The following BABAM2 variants were observed in gnomAD, a reference collection of about 807,000 sequenced individuals.
BABAM2 encodes BRISC and BRCA1 A complex member 2.
Under a neutral mutation model 54.7 loss-of-function variants are expected in BABAM2, and 31 were observed. That is an observed-to-expected ratio of 0.57 (90% CI 0.43 to 0.77). The LOEUF (loss-of-function observed/expected upper bound fraction) is 0.77. BABAM2 is among the 30% of genes least tolerant of loss of function. The probability of loss-of-function intolerance (pLI) is 0.00; values close to 1 mark genes in which losing one functional copy is unlikely to be tolerated. For synonymous variants in BABAM2, 167 were observed against 162.9 expected (o/e 1.03, Z -0.19); for missense variants, 364 against 455.8 (o/e 0.80, Z 1.83).
chr2:27,970,701 T>C (rs1454736388), intron 3 of BABAM2, among the ~76,000 whole-genome samples: 1 of 152,166 alleles, frequency 6.6e-6, no homozygotes, highest in East Asian at 1.9e-4. Flanking sequence ...TCCATTAATA[T>C]CCTTTTAGCT....
At chr2:28,211,809 T>C (rs1279352535) in intron 7 of BABAM2, among the ~76,000 whole-genome samples, 2 of 152,192 alleles carry the variant, frequency 1.3e-5, no homozygotes, top group Non-Finnish European at 2.9e-5. Context: ...TAAAAAAATA[T>C]AGAAAAATTT....
chr2:27,986,053 A>G (rs28662360), intron 3 of BABAM2, among the ~76,000 whole-genome samples: 97,491 of 151,856 alleles, frequency 0.64, 33,337 homozygotes, highest in Middle Eastern at 0.8. Flanking sequence ...GAGATATAGT[A>G]TTTGATGTCA....
chr2:28,239,811 G>GT (rs1430941940), intron 8 of BABAM2, among the ~76,000 whole-genome samples: 2 of 152,188 alleles, frequency 1.3e-5, no homozygotes, highest in Admixed American at 1.3e-4. Flanking sequence ...AAACCATTAG[G>GT]TGAAAGGTTG....
chr2:28,152,610 A>T (rs939136807), intron 7 of BABAM2, among the ~76,000 whole-genome samples: 4 of 152,170 alleles, frequency 2.6e-5, no homozygotes, highest in African/African-American at 9.6e-5. Context: ...AGAGCTCAGG[A>T]TGAATGACAC....
intron 7 of BABAM2, among the ~76,000 whole-genome samples, chr2:28,204,404 T>A (rs1678605620): frequency 6.6e-6 from 1 of 152,212 alleles, no homozygotes; most frequent in Non-Finnish European, 1.5e-5. Flanking sequence ...ACAAGCATTG[T>A]TGCAGAGTGA....
chr2:28,119,272 AAACTCCAC>A (rs1668862499), intron 6 of BABAM2, among the ~76,000 whole-genome samples: 1 of 152,180 alleles, frequency 6.6e-6, no homozygotes, highest in Non-Finnish European at 1.5e-5. Flanking sequence ...GCAGTAGGGG[AAACTCCAC>A]ACTCCAGATT....
intron 7 of BABAM2, chr2:28,134,667 C>T (rs1670386217): frequency 6.6e-6 from 1 of 152,234 alleles, no homozygotes; most frequent in Non-Finnish European, 1.5e-5. Context: ...GTACTCAAAA[C>T]TTCCCAGCCC....
chr2:27,979,925 G>A (rs1354884332), intron 3 of BABAM2, among the ~76,000 whole-genome samples: 1 of 152,154 alleles, frequency 6.6e-6, no homozygotes, highest in East Asian at 1.9e-4. Flanking sequence ...CTGAGATGGT[G>A]CTGATACCTT....
chr2:28,335,890 C>T (rs944439870), intron 11 of BABAM2, among the ~76,000 whole-genome samples: 2 of 152,148 alleles, frequency 1.3e-5, no homozygotes, highest in African/African-American at 2.4e-5. Flanking sequence ...GTGACATCCC[C>T]GGGTTGCTGT....
chr2:28,197,225 A>T (rs1238694631), intron 7 of BABAM2, among the ~76,000 whole-genome samples: 1 of 152,054 alleles, frequency 6.6e-6, no homozygotes, highest in East Asian at 1.9e-4. Flanking sequence ...GTATAGAAAG[A>T]CTTTCTTTTG....
chr2:28,101,529 T>G (rs1435047071), intron 6 of BABAM2, among the ~76,000 whole-genome samples: 1 of 152,172 alleles, frequency 6.6e-6, no homozygotes, highest in African/African-American at 2.4e-5. Context: ...GAGTGAGGGC[T>G]GAGATAGAGT....
chr2:28,022,332 G>A (rs562075078), intron 4 of BABAM2, among the ~76,000 whole-genome samples: 1 of 152,334 alleles, frequency 6.6e-6, no homozygotes, highest in Non-Finnish European at 1.5e-5. Context: ...ATTGGAGGAA[G>A]AGTAGGCAGA....
intron 11 of BABAM2, among the ~76,000 whole-genome samples, chr2:28,318,745 C>CCCAGTTTTGGAGAAAAGATATCCCAG (rs1336356966): frequency 1.4e-4 from 22 of 152,294 alleles, no homozygotes; most frequent in Non-Finnish European, 1.5e-5. Flanking sequence ...CATGGTGTCC[C>CCCAGTTTTGGAGAAAAGATATCCCAG]CCAGTTTTGG....
chr2:28,068,801 T>G (rs1663860386), intron 6 of BABAM2, among the ~76,000 whole-genome samples: 2 of 152,198 alleles, frequency 1.3e-5, no homozygotes, highest in Admixed American at 1.3e-4. Context: ...CGACATATCT[T>G]ATAGTTTTTA....
chr2:28,045,443 AC>A (rs1399429923), intron 5 of BABAM2, among the ~76,000 whole-genome samples: 2 of 152,218 alleles, frequency 1.3e-5, no homozygotes, highest in Non-Finnish European at 2.9e-5. Context: ...TTCTTTTCAT[AC>A]TTTTAAGAAA....
chr2:27,970,701 T>G (rs1454736388), intron 3 of BABAM2, among the ~76,000 whole-genome samples: 1 of 152,166 alleles, frequency 6.6e-6, no homozygotes, highest in Non-Finnish European at 1.5e-5. Flanking sequence ...TCCATTAATA[T>G]CCTTTTAGCT....
intron 2 of BABAM2, among the ~76,000 whole-genome samples, chr2:27,924,256 C>T (rs1169040953): frequency 6.6e-6 from 1 of 152,104 alleles, no homozygotes; most frequent in East Asian, 1.9e-4. Context: ...TAATACTCCC[C>T]AAAAGCACAA....
At position 28,178,538 on chromosome 2, in the gene BABAM2, C is replaced by T. The variant is rs1052993233; in HGVS notation, c.680+49158C>T. 1.3e-4 allele frequency among the ~76,000 whole-genome samples: 19 copies of T among 151,828 alleles called. No homozygotes were observed. In the South Asian group the frequency reaches 3.1e-3, roughly 25 times the overall value. ...GAAAGTGTATAGCAATAAATGCTTA[C>T]GTCAAAAAGTAGAAAGATTTCAAAT... On this transcript the variant is annotated intron_variant, in intron 7 of 11. Coordinates refer to ENST00000379624, the MANE Select transcript of BABAM2 (RefSeq NM_199191.3).
At chr2:28,126,210 G>A (rs1408772803) in intron 6 of BABAM2, among the ~76,000 whole-genome samples, 1 of 151,302 alleles carries the variant, frequency 6.6e-6, no homozygotes, top group Non-Finnish European at 1.5e-5. Flanking sequence ...AGTTACATAT[G>A]TATACATGTG....
Sources: allele counts gnomAD v4.1 joint callset (sites outside exome capture counted in the v4.1 genomes callset), GRCh38; gene constraint gnomAD v4.1.1; transcripts MANE v1.5; gene names NCBI Gene and HGNC (gene_info 2026-07-23, HGNC 2026-07-21).